The following UNC13C variants were observed in gnomAD, a reference collection of about 807,000 sequenced individuals.
UNC13C encodes the protein protein unc-13 homolog C.
Under a neutral mutation model 245.4 loss-of-function variants are expected in UNC13C, and 174 were observed. The ratio of observed to expected loss-of-function variants is 0.71; its 90% CI spans 0.63 to 0.80. The LOEUF is 0.80. Ranked by LOEUF, UNC13C falls within the 30% of genes least tolerant of loss-of-function variation. The pLI, the probability that UNC13C is intolerant of heterozygous loss-of-function variation, is 0.00. For missense variants in UNC13C, 2,829 were observed against 2,602.9 expected, an observed-to-expected ratio of 1.09 and a Z score of -1.89; for synonymous variants, 992 against 895.1, an observed-to-expected ratio of 1.11 and a Z score of -1.93.
downstream of UNC13C, chr15:54,632,020 T>A (rs1483056925): frequency 6.6e-6 from 1 of 152,230 alleles, no homozygotes; most frequent in African/African-American, 2.4e-5. Flanking sequence ...TTCTTTATTT[T>A]AGTTCTTCTT....
At chr15:54,489,366 A>T (rs1893585423) in intron 19 of UNC13C, among the ~76,000 whole-genome samples, 2 of 152,200 alleles carry the variant, frequency 1.3e-5, no homozygotes, top group South Asian at 4.1e-4. Context: ...TTATCTTAGC[A>T]TGAACTTAAC....
At chr15:54,608,277 T>A (rs1352312424) in intron 30 of UNC13C, among the ~76,000 whole-genome samples, 2 of 152,176 alleles carry the variant, frequency 1.3e-5, no homozygotes, top group African/African-American at 2.4e-5. Context: ...ACCAAATATG[T>A]GTTAGACTGT....
intron 4 of UNC13C, among the ~76,000 whole-genome samples, chr15:54,155,603 A>C (rs947401703): frequency 2.6e-5 from 4 of 151,954 alleles, no homozygotes; most frequent in African/African-American, 7.3e-5. Context: ...TTGTATTTTA[A>C]ATAATGGAAA....
At chr15:54,337,303 G>A (rs1481038462) in intron 16 of UNC13C, among the ~76,000 whole-genome samples, 1 of 152,074 alleles carries the variant, frequency 6.6e-6, no homozygotes, top group Non-Finnish European at 1.5e-5. Flanking sequence ...ATATTCTTCT[G>A]TAAGCTAATA....
the UNC13C span, among the ~76,000 whole-genome samples, chr15:53,909,485 G>A: frequency 6.8e-6 from 1 of 146,668 alleles, no homozygotes; most frequent in East Asian, 2.0e-4. Context: ...CGGGCGTGGT[G>A]GCTCACGCCT....
chr15:54,565,321 T>C lies in UNC13C; in HGVS notation c.5959-2479T>C, dbSNP rs146366513. On this transcript the variant is annotated intron_variant, in intron 29 of 32. Transcript: ENST00000260323. ...ATCCAGCACAAGGTCTGGCTCATGA[T>C]ACAGATTTAATAAATATTTATTAAA... Among the ~76,000 whole-genome samples the C allele has an allele frequency of 6.1e-3, 932 of 152,004 alleles. 5 individuals are homozygous for C. Among genetic ancestry groups the C allele is most frequent in the Non-Finnish European group, 0.011 (746 of 67,904 alleles).
At chr15:54,606,710 C>T (rs1899785748) in intron 30 of UNC13C, among the ~76,000 whole-genome samples, 2 of 152,158 alleles carry the variant, frequency 1.3e-5, no homozygotes, top group Non-Finnish European at 2.9e-5. Context: ...TAAGGAATTG[C>T]TCAAAGTCAT....
intron 17 of UNC13C, among the ~76,000 whole-genome samples, chr15:54,378,561 A>G (rs1596304778): frequency 1.3e-5 from 2 of 151,656 alleles, no homozygotes; most frequent in South Asian, 4.1e-4. Context: ...TAATAAATAT[A>G]TAATATTAAA....
At chr15:54,180,150 G>A (rs1368498247) in intron 4 of UNC13C, among the ~76,000 whole-genome samples, 2 of 151,780 alleles carry the variant, frequency 1.3e-5, no homozygotes, top group Non-Finnish European at 2.9e-5. Flanking sequence ...TTAAACCTTT[G>A]CCTCTTCTCT....
chr15:53,953,280 G>A, the UNC13C span, among the ~76,000 whole-genome samples: 3 of 152,230 alleles, frequency 2.0e-5, no homozygotes, highest in African/African-American at 7.2e-5. Context: ...TGAGGGAAAT[G>A]AGAAGTGGCT....
chr15:54,490,629 C>G (rs552902087), intron 19 of UNC13C, among the ~76,000 whole-genome samples: 1 of 151,340 alleles, frequency 6.6e-6, no homozygotes, highest in Non-Finnish European at 1.5e-5. Context: ...GTAGAGGCTA[C>G]TGCATTGCAA....
chr15:53,847,766 C>T, the UNC13C span, among the ~76,000 whole-genome samples: 1 of 151,888 alleles, frequency 6.6e-6, no homozygotes, highest in African/African-American at 2.4e-5. Context: ...GGAACAAATA[C>T]CAAAGATGAA....
At chr15:54,217,074 G>A (rs907270682) in intron 4 of UNC13C, among the ~76,000 whole-genome samples, 3 of 152,038 alleles carry the variant, frequency 2.0e-5, no homozygotes, top group Admixed American at 1.3e-4. Context: ...GAGAGAAGAT[G>A]TGAGAGTCTG....
At chr15:54,501,107 C>T in intron 22 of UNC13C, 129 bp downstream of exon 22, 1 of 863,290 alleles carries the variant, frequency 1.2e-6, no homozygotes, top group East Asian at 2.6e-5. Context: ...CTAGTAAATT[C>T]AGTTGTTTCC....
At chr15:54,490,075 A>G (rs1893626308) in intron 19 of UNC13C, among the ~76,000 whole-genome samples, 1 of 152,196 alleles carries the variant, frequency 6.6e-6, no homozygotes, top group African/African-American at 2.4e-5. Context: ...AGAGAAATAT[A>G]GCATAAAGGG....
intron 4 of UNC13C, among the ~76,000 whole-genome samples, chr15:54,187,207 C>A (rs2034021658): frequency 6.6e-6 from 1 of 152,002 alleles, no homozygotes; most frequent in Non-Finnish European, 1.5e-5. Flanking sequence ...AATATAATAT[C>A]TCCTGAATCT....
intron 17 of UNC13C, among the ~76,000 whole-genome samples, chr15:54,358,759 A>G (rs1305525841): frequency 6.6e-6 from 1 of 152,034 alleles, no homozygotes; most frequent in African/African-American, 2.4e-5. Context: ...CTGTCCTCAA[A>G]CAGGGATAAT....
At chr15:54,210,949 A>G (rs1382013092) in intron 4 of UNC13C, among the ~76,000 whole-genome samples, 1 of 152,118 alleles carries the variant, frequency 6.6e-6, no homozygotes, top group East Asian at 1.9e-4. Flanking sequence ...TCAGCAAACA[A>G]ATCTGTACTC....
At chr15:54,626,129 G>A (rs1263312705) in intron 32 of UNC13C, among the ~76,000 whole-genome samples, 2 of 151,274 alleles carry the variant, frequency 1.3e-5, no homozygotes, top group Non-Finnish European at 2.9e-5. Flanking sequence ...AAAATAAGGG[G>A]TGGAGGAAGA....
Sources: allele counts gnomAD v4.1 joint callset (sites outside exome capture counted in the v4.1 genomes callset), GRCh38; gene constraint gnomAD v4.1.1; transcripts MANE v1.5; gene names NCBI Gene and HGNC (gene_info 2026-07-23, HGNC 2026-07-21).